NDUFB5: variants seen among roughly 807,000 people sequenced by gnomAD.
The protein encoded by NDUFB5 is NADH:ubiquinone oxidoreductase subunit B5.
NDUFB5 carries 19 observed loss-of-function variants against 19.4 expected under a neutral mutation model. The ratio of observed to expected loss-of-function variants is 0.98; its 90% CI spans 0.68 to 1.43. The LOEUF is 1.43. Among genes scored for constraint, NDUFB5 ranks in the 40% most tolerant of loss-of-function variants. The pLI, the probability that NDUFB5 is intolerant of heterozygous loss-of-function variation, is 0.00. For synonymous variants in NDUFB5, 80 were observed against 82.6 expected (o/e 0.97, Z 0.17); for missense variants, 233 against 236.5 (o/e 0.99, Z 0.10).
rs984719718 is a variant in NDUFB5 at position 179,623,834 on chromosome 3, C to G, written c.450-86C>G. On this transcript the variant is annotated intron_variant, in intron 5 of 5. Transcript: ENST00000259037. Reference sequence around the variant, plus strand: ...ATTATACTTTACATAAAAGCAGACTCCAGTGATTGTCCTTTATGGAAATGG... The same window carrying G: ...ATTATACTTTACATAAAAGCAGACTGCAGTGATTGTCCTTTATGGAAATGG... 5 of 1,511,256 alleles carry G rather than the reference C, an allele frequency of 3.3e-6. No individual in the cohort carries two copies. The African/African-American group carries it at 5.5e-5, about 17-fold the overall frequency. 93.6% of individuals were successfully genotyped at this position (1,511,256 alleles called of 1,614,324 possible).
intron 1 of NDUFB5, among the ~76,000 whole-genome samples, chr3:179,610,881 G>A (rs1299599241): frequency 6.6e-6 from 1 of 152,200 alleles, no homozygotes; most frequent in African/African-American, 2.4e-5. Flanking sequence ...TATTAATATG[G>A]ATGTATAAAC....
rs577474166 is a variant in NDUFB5 at position 179,620,063 on chromosome 3, A to C, written c.449+1542A>C. Among the ~76,000 whole-genome samples the C allele has an allele frequency of 3.3e-5, 5 of 151,948 alleles. No individual in the cohort carries two copies. The East Asian group carries it at 9.7e-4, about 29-fold the overall frequency. The stretch of plus-strand genomic sequence containing the variant: ...TGGGGTTGTTTGTTTTTTTCTTGTA[A>C]ATTTGTTTGAGTTCATTGTAGATTC... On this transcript the variant is annotated intron_variant, in intron 5 of 5. Transcript: ENST00000259037.
intron 1 of NDUFB5, among the ~76,000 whole-genome samples, chr3:179,611,806 C>A (rs958338562): frequency 6.6e-6 from 1 of 151,990 alleles, no homozygotes; most frequent in Non-Finnish European, 1.5e-5. Context: ...TCTGAGGCTA[C>A]GTGCATTTTT....
At chr3:179,614,470 G>A (rs997542139) in intron 1 of NDUFB5, among the ~76,000 whole-genome samples, 6 of 152,078 alleles carry the variant, frequency 3.9e-5, no homozygotes, top group African/African-American at 1.2e-4. Flanking sequence ...CATGTGAAAT[G>A]GCATAATGGA....
chr3:179,626,785 T>G lies in NDUFB5; in HGVS notation c.*2745T>G, dbSNP rs1719682822. ...TGACCTTGTGATCCACCCACCTTGG[T>G]CTCCCAAAGTGCTGGGATTACAGGT... On this transcript the variant is annotated 3_prime_UTR_variant, in exon 6 of 6. Transcript: ENST00000259037. 6.6e-6 allele frequency: 1 copy of G among 152,134 alleles called. No homozygotes were observed. The highest frequency in any genetic ancestry group is 1.5e-5 in the Non-Finnish European group (1 of 68,046). The allele number at this position is 152,134 out of a possible 1,614,324, so 9.4% of individuals were successfully genotyped here.
intron 2 of NDUFB5, 32 bp downstream of exon 2, chr3:179,615,091 T>TG: frequency 6.7e-7 from 1 of 1,483,144 alleles, no homozygotes; most frequent in South Asian, 1.3e-5. Context: ...AATTAAAGTC[T>TG]TTGCATGTAA....
At position 179,624,197 on chromosome 3, in the gene NDUFB5, G is replaced by T; in HGVS notation, c.*157G>T. ...TTGAGGCTTTTGTTTGAGGAGTTTGGCTTCCAGTCCCCAAAGAAGGTTTAA... is the reference window on the plus strand; with the variant it reads ...TTGAGGCTTTTGTTTGAGGAGTTTGTCTTCCAGTCCCCAAAGAAGGTTTAA... On this transcript the variant is annotated 3_prime_UTR_variant, in exon 6 of 6. Transcript: ENST00000259037. The T allele has an allele frequency of 1.7e-6, 1 of 581,586 alleles. No homozygotes were observed. Among genetic ancestry groups the T allele is most frequent in the East Asian group, 3.5e-5 (1 of 28,968 alleles). The allele number at this position is 581,586 out of a possible 1,614,324, so 36.0% of individuals were successfully genotyped here. A position where few individuals can be genotyped will look rare whatever the true frequency, so the allele number is the denominator to read the frequency against.
At chr3:179,614,631 A>G (rs1011355404) in intron 1 of NDUFB5, 18 of 156,906 alleles carry the variant, frequency 1.1e-4, no homozygotes, top group Non-Finnish European at 2.1e-4. Flanking sequence ...TTTGAATTAA[A>G]ATGAGGAAAG....
At chr3:179,620,404 C>A (rs1019456713) in intron 5 of NDUFB5, among the ~76,000 whole-genome samples, 1 of 151,098 alleles carries the variant, frequency 6.6e-6, no homozygotes. Flanking sequence ...CCAGTTTCAG[C>A]TTTCTACATA....
In NDUFB5 at chr3:179,618,471, T is replaced by C. The variant is rs1275892711; in HGVS notation, c.399T>C (p.Tyr133=). Residue 133 remains tyrosine (Y), a synonymous_variant, in exon 5 of 6, where the codon TAT becomes TAC. Coordinates refer to ENST00000259037, the MANE Select transcript of NDUFB5 (RefSeq NM_002492.4). ...RNFYDSPEKI[Y]ERTMAVLQIE... ...TCTATGATAGTCCTGAAAAGATATA[T>C]GAAAGAACAATGGCCGTCCTTCAGA... 1 of 1,612,778 alleles carries C rather than the reference T, an allele frequency of 6.2e-7. No individual in the cohort carries two copies. The highest frequency in any genetic ancestry group is 2.2e-5 in the East Asian group (1 of 44,824).
chr3:179,616,057 A>T lies in NDUFB5; in HGVS notation c.280+8A>T, dbSNP rs759890002. ...TGGTGAATGTATTCATTGGTAAGTCACTTCCATCCCCTGCCAGCACCACCA... is the reference window on the plus strand; with the variant it reads ...TGGTGAATGTATTCATTGGTAAGTCTCTTCCATCCCCTGCCAGCACCACCA... On this transcript the variant is annotated splice_region_variant and intron_variant, in intron 3 of 5. Transcript: ENST00000259037. The T allele has an allele frequency of 6.2e-7, 1 of 1,610,650 alleles. No homozygotes were observed. The highest frequency in any genetic ancestry group is 8.5e-7 in the Non-Finnish European group (1 of 1,178,108).
At chr3:179,607,705 A>G in intron 1 of NDUFB5, 1 of 697,158 alleles carries the variant, frequency 1.4e-6, no homozygotes, top group Non-Finnish European at 2.6e-6. Context: ...CATATGGTAA[A>G]ACTAAAACTC....
In NDUFB5 at chr3:179,607,654, G is replaced by A; in HGVS notation, c.124+2715G>A. 3 of 667,410 alleles carry A rather than the reference G, an allele frequency of 4.5e-6. No individual in the cohort carries two copies. The Admixed American group carries it at 6.8e-5, about 15-fold the overall frequency. 41.3% of individuals were successfully genotyped at this position (667,410 alleles called of 1,614,324 possible). A position where few individuals can be genotyped will look rare whatever the true frequency, so the allele number is the denominator to read the frequency against. Reference sequence around the variant, plus strand: ...CAGTGGTATTAAATACATTCCTAATGCTATGCAACCATCACCATCATCCAA... The same window carrying A: ...CAGTGGTATTAAATACATTCCTAATACTATGCAACCATCACCATCATCCAA... On this transcript the variant is annotated intron_variant, in intron 1 of 5. Coordinates refer to ENST00000259037, the MANE Select transcript of NDUFB5 (RefSeq NM_002492.4).
At chr3:179,623,507 C>T (rs957032757) in intron 5 of NDUFB5, among the ~76,000 whole-genome samples, 2 of 152,098 alleles carry the variant, frequency 1.3e-5, no homozygotes, top group Non-Finnish European at 2.9e-5. Context: ...AACCCTGTCT[C>T]CACTAAAAAT....
chr3:179,610,180 C>T (rs1719203367), intron 1 of NDUFB5, among the ~76,000 whole-genome samples: 1 of 152,182 alleles, frequency 6.6e-6, no homozygotes, highest in African/African-American at 2.4e-5. Context: ...GTAGCCTCAA[C>T]CTCCTAGACT....
intron 1 of NDUFB5, 67 bp downstream of exon 1, chr3:179,605,006 A>G (rs537971556): frequency 5.4e-6 from 8 of 1,471,912 alleles, no homozygotes; most frequent in East Asian, 2.4e-5. Flanking sequence ...GGACGCTTCC[A>G]GGGTGACCTT....
In NDUFB5 at chr3:179,607,687, AC is replaced by A. The variant is rs1444315588; in HGVS notation, c.124+2749del. ...ACCATCACCATCATCCAACTCCAGA[AC>A]TTTTTTCATATGGTAAAACTAAAAC... On this transcript the variant is annotated intron_variant, in intron 1 of 5. Coordinates refer to ENST00000259037, the MANE Select transcript of NDUFB5 (RefSeq NM_002492.4). 3 of 693,598 alleles carry A rather than the reference AC, an allele frequency of 4.3e-6. No homozygotes were observed. The East Asian group carries it at 8.1e-5, about 19-fold the overall frequency. 43.0% of individuals were successfully genotyped at this position (693,598 alleles called of 1,614,324 possible).
At chr3:179,605,299 A>G (rs1719054318) in intron 1 of NDUFB5, among the ~76,000 whole-genome samples, 2 of 152,190 alleles carry the variant, frequency 1.3e-5, no homozygotes, top group Non-Finnish European at 2.9e-5. Context: ...ATGCAAAGTC[A>G]TCTTGCCGAG....
At chr3:179,615,934 G>A (rs1719364497) in intron 2 of NDUFB5, 49 bp from the exon 3 acceptor site, 2 of 1,336,824 alleles carry the variant, frequency 1.5e-6, no homozygotes, top group Non-Finnish European at 2.1e-6. Context: ...ATTTGTGTGT[G>A]GGGAGAGTTA....
Sources: gnomAD v4.1 joint callset for allele counts (sites outside exome capture counted in the v4.1 genomes callset) on GRCh38, gnomAD v4.1.1 for gene constraint, MANE v1.5 for transcripts, NCBI Gene and HGNC (gene_info 2026-07-23, HGNC 2026-07-21) for gene names.